Variants in CCSER1 observed in about 807,000 individuals in gnomAD.
CCSER1 encodes serine-rich coiled-coil domain-containing protein 1.
CCSER1 carries 41 observed loss-of-function variants against 82.0 expected under a neutral mutation model. That is an observed-to-expected ratio of 0.50 (90% confidence interval 0.39 to 0.65). The LOEUF (loss-of-function observed/expected upper bound fraction) is 0.65. CCSER1 is among the 30% of genes least tolerant of loss of function. The pLI, the probability that CCSER1 is intolerant of heterozygous loss-of-function variation, is 0.00. For synonymous variants in CCSER1, 414 were observed against 383.9 expected, an observed-to-expected ratio of 1.08 and a Z score of -0.92; for missense variants, 1,119 against 1,064.2, an observed-to-expected ratio of 1.05 and a Z score of -0.72.
intron 8 of CCSER1, among the ~76,000 whole-genome samples, chr4:90,875,169 C>T (rs538400892): frequency 2.0e-5 from 3 of 152,150 alleles, no homozygotes; most frequent in Non-Finnish European, 4.4e-5. Context: ...TGATCTATGG[C>T]ATGAAGCAGC....
chr4:90,774,709 A>G (rs997528698), intron 7 of CCSER1, among the ~76,000 whole-genome samples: 13 of 152,236 alleles, frequency 8.5e-5, no homozygotes, highest in African/African-American at 3.1e-4. Flanking sequence ...GGTACATAAT[A>G]TCAACTCTGA....
intron 6 of CCSER1, among the ~76,000 whole-genome samples, chr4:90,644,509 T>C (rs1438444033): frequency 1.3e-5 from 2 of 152,034 alleles, no homozygotes; most frequent in East Asian, 3.9e-4. Context: ...GTGCAGAACA[T>C]TCAGGTTTGT....
chr4:91,037,881 C>T (rs1741589342), intron 9 of CCSER1, among the ~76,000 whole-genome samples: 1 of 151,806 alleles, frequency 6.6e-6, no homozygotes, highest in African/African-American at 2.4e-5. Context: ...TTTTCTGAAA[C>T]ATACATATGC....
chr4:91,456,946 G>A (rs983529933), intron 10 of CCSER1, among the ~76,000 whole-genome samples: 1 of 152,026 alleles, frequency 6.6e-6, no homozygotes, highest in South Asian at 2.1e-4. Context: ...ATTCTTTCGT[G>A]TCATATACCT....
At chr4:90,793,823 C>T (rs1755608872) in intron 7 of CCSER1, among the ~76,000 whole-genome samples, 1 of 152,178 alleles carries the variant, frequency 6.6e-6, no homozygotes, top group Non-Finnish European at 1.5e-5. Flanking sequence ...GCAACTTTGC[C>T]AGAAGCTGTT....
chr4:90,913,436 A>G (rs888273342), intron 8 of CCSER1, among the ~76,000 whole-genome samples: 3 of 152,202 alleles, frequency 2.0e-5, no homozygotes, highest in Non-Finnish European at 4.4e-5. Context: ...CAGACAAGCA[A>G]ATGCTGAGAG....
intron 10 of CCSER1, among the ~76,000 whole-genome samples, chr4:91,379,353 A>G (rs1174655667): frequency 6.6e-6 from 1 of 152,204 alleles, no homozygotes; most frequent in African/African-American, 2.4e-5. Context: ...TACCTCTGGT[A>G]GAATTCGGCT....
At chr4:90,279,527 A>C (rs968801310) in intron 1 of CCSER1, among the ~76,000 whole-genome samples, 1 of 152,064 alleles carries the variant, frequency 6.6e-6, no homozygotes, top group African/African-American at 2.4e-5. Flanking sequence ...GAATTGAATG[A>C]AAGATTTAGT....
At chr4:91,021,775 G>A (rs1739996372) in intron 9 of CCSER1, among the ~76,000 whole-genome samples, 1 of 152,020 alleles carries the variant, frequency 6.6e-6, no homozygotes, top group South Asian at 2.1e-4. Context: ...CAACTGGCAG[G>A]AACAGTGACA....
At chr4:90,457,708 G>A (rs780847114) in intron 4 of CCSER1, among the ~76,000 whole-genome samples, 8 of 152,044 alleles carry the variant, frequency 5.3e-5, no homozygotes, top group Non-Finnish European at 1.0e-4. Flanking sequence ...TTCCATGGGC[G>A]GCCATGGCTG....
At chr4:91,562,731 T>A (rs1480272941) in intron 10 of CCSER1, among the ~76,000 whole-genome samples, 2 of 151,612 alleles carry the variant, frequency 1.3e-5, no homozygotes, top group African/African-American at 4.8e-5. Context: ...TGATAGCTAA[T>A]AATAAAATTA....
intron 10 of CCSER1, among the ~76,000 whole-genome samples, chr4:91,189,117 A>AT (rs924623483): frequency 4.0e-4 from 61 of 151,724 alleles, no homozygotes; most frequent in African/African-American, 1.1e-3. Flanking sequence ...ATGTTAATGG[A>AT]TTTTTTTTTA....
chr4:90,353,439 G>T (rs1466456179), intron 3 of CCSER1, among the ~76,000 whole-genome samples: 1 of 152,114 alleles, frequency 6.6e-6, no homozygotes, highest in African/African-American at 2.4e-5. Context: ...AGATGTCATG[G>T]ACCTGTTTTT....
intron 10 of CCSER1, among the ~76,000 whole-genome samples, chr4:91,306,853 G>C (rs1239568946): frequency 6.6e-6 from 1 of 151,986 alleles, no homozygotes; most frequent in African/African-American, 2.4e-5. Flanking sequence ...AGTTAGGCAA[G>C]TCATTTTATT....
At chr4:90,625,108 CAAG>C (rs1723024933) in intron 5 of CCSER1, among the ~76,000 whole-genome samples, 1 of 152,124 alleles carries the variant, frequency 6.6e-6, no homozygotes, top group Non-Finnish European at 1.5e-5. Context: ...TATATATCCC[CAAG>C]TGAACGAATT....
intron 10 of CCSER1, among the ~76,000 whole-genome samples, chr4:91,232,463 T>C (rs1738696903): frequency 6.6e-6 from 1 of 151,890 alleles, no homozygotes; most frequent in South Asian, 2.1e-4. Context: ...GGGGAAAAGA[T>C]ACAGCATAGT....
intron 10 of CCSER1, among the ~76,000 whole-genome samples, chr4:91,224,504 G>A (rs537768435): frequency 6.6e-6 from 1 of 152,148 alleles, no homozygotes; most frequent in African/African-American, 2.4e-5. Flanking sequence ...GTCATATGTG[G>A]TTACTGAGCA....
intron 10 of CCSER1, among the ~76,000 whole-genome samples, chr4:91,244,356 AG>A (rs1463144612): frequency 6.6e-6 from 1 of 152,168 alleles, no homozygotes; most frequent in Non-Finnish European, 1.5e-5. Flanking sequence ...CTTGAAGGGA[AG>A]GGCCTTGGGC....
chr4:90,616,636 G>C (rs1218135126), intron 5 of CCSER1, among the ~76,000 whole-genome samples: 5 of 148,398 alleles, frequency 3.4e-5, no homozygotes, highest in African/African-American at 5.0e-5. Flanking sequence ...AGTGAGCCAA[G>C]AACAGGCCAC....
Sources: gnomAD v4.1 joint callset for allele counts (sites outside exome capture counted in the v4.1 genomes callset) on GRCh38, gnomAD v4.1.1 for gene constraint, MANE v1.5 for transcripts, NCBI Gene and HGNC (gene_info 2026-07-23, HGNC 2026-07-21) for gene names.